The following CACNA1E variants were observed in gnomAD, a reference collection of about 807,000 sequenced individuals.
CACNA1E encodes the protein calcium voltage-gated channel subunit alpha1 E.
CACNA1E carries 40 observed loss-of-function variants against 259.2 expected under a neutral mutation model. The ratio of observed to expected loss-of-function variants is 0.15; its 90% CI spans 0.12 to 0.20. CACNA1E has a LOEUF of 0.20. Among genes scored for constraint, CACNA1E ranks in the 10% least tolerant of loss-of-function variants. The pLI, the probability that CACNA1E is intolerant of heterozygous loss-of-function variation, is 1.00. For synonymous variants in CACNA1E, 1,104 were observed against 1,138.5 expected (o/e 0.97, Z 0.61); for missense variants, 1,874 against 3,040.1 (o/e 0.62, Z 9.02).
intron 6 of CACNA1E, among the ~76,000 whole-genome samples, chr1:181,622,238 A>G (rs1655791139): frequency 6.6e-6 from 1 of 152,152 alleles, no homozygotes. Flanking sequence ...GTCTTCTGTA[A>G]TTGCTTGGAA....
intron 7 of CACNA1E, among the ~76,000 whole-genome samples, chr1:181,662,030 A>G (rs1647737258): frequency 6.6e-6 from 1 of 152,322 alleles, no homozygotes; most frequent in South Asian, 2.1e-4. Context: ...CTGTGGACAG[A>G]AATTTCCTGT....
chr1:181,697,550 C>A (rs542715631), intron 7 of CACNA1E, among the ~76,000 whole-genome samples: 2 of 152,322 alleles, frequency 1.3e-5, no homozygotes, highest in African/African-American at 4.8e-5. Context: ...CCAGACAGTG[C>A]TTTTCAAACT....
At chr1:181,762,454 T>C (rs1449166536) in intron 32 of CACNA1E, 120 bp from the exon 33 acceptor site, 3 of 671,728 alleles carry the variant, frequency 4.5e-6, no homozygotes, top group East Asian at 2.8e-5. Flanking sequence ...AGTGAACTTA[T>C]GCATTAATTG....
At position 181,726,076 on chromosome 1, in the gene CACNA1E, G is replaced by A. The variant is rs781655816; in HGVS notation, c.2154G>A (p.Glu718=). The A allele has an allele frequency of 2.2e-5, 36 of 1,611,848 alleles. No individual in the cohort carries two copies. The highest frequency in any genetic ancestry group is 3.1e-5 in the Non-Finnish European group (36 of 1,178,806). Residue 718 remains glutamate (E), a synonymous_variant, in exon 18 of 48, where the codon GAG becomes GAA. Coordinates refer to ENST00000367573, the MANE Select transcript of CACNA1E (RefSeq NM_001205293.3). ...TGCTTTGTGTCTAGGATGAACAGGA[G>A]GAAGAAGAGGCCTTCAACCAGAAAC... The part of the protein sequence containing the change: ...NAQELTKDEQ[E]EEEAFNQKHA...
chr1:181,694,111 C>G (rs1174489115), intron 7 of CACNA1E, among the ~76,000 whole-genome samples: 1 of 152,072 alleles, frequency 6.6e-6, no homozygotes, highest in African/African-American at 2.4e-5. Flanking sequence ...ATGCAAATTT[C>G]CTTGAAAATA....
intron 25 of CACNA1E, among the ~76,000 whole-genome samples, chr1:181,748,274 G>A (rs1657284352): frequency 6.6e-6 from 1 of 152,114 alleles, no homozygotes; most frequent in Admixed American, 6.6e-5. Context: ...AAGGAACCCT[G>A]TTTTCCAAAA....
chr1:181,799,085 G>T lies in CACNA1E; in HGVS notation c.*251G>T. 1 of 389,642 alleles carries T rather than the reference G, an allele frequency of 2.6e-6. No homozygotes were observed. Among genetic ancestry groups the T allele is most frequent in the South Asian group, 7.9e-5 (1 of 12,720 alleles). The allele number at this position is 389,642 out of a possible 1,614,324, so 24.1% of individuals were successfully genotyped here. On this transcript the variant is annotated 3_prime_UTR_variant, in exon 48 of 48. Transcript: ENST00000367573. ...TGCTGGGGAAAGAAACCAGGAACGT[G>T]GAGGGTTATTACTGCGGGAGAAGGG...
intron 3 of CACNA1E, among the ~76,000 whole-genome samples, chr1:181,555,878 CT>C (rs1648666446): frequency 6.6e-6 from 1 of 152,190 alleles, no homozygotes; most frequent in East Asian, 1.9e-4. Flanking sequence ...GGCATGCAGC[CT>C]TTCTTAAGCT....
chr1:181,631,801 G>A (rs1052445232), intron 6 of CACNA1E, among the ~76,000 whole-genome samples: 5 of 152,202 alleles, frequency 3.3e-5, no homozygotes, highest in African/African-American at 1.2e-4. Context: ...GAGAGCTGAG[G>A]AACCCCGGGC....
chr1:181,498,323 T>A (rs1664951695), intron 1 of CACNA1E, among the ~76,000 whole-genome samples: 1 of 152,208 alleles, frequency 6.6e-6, no homozygotes, highest in African/African-American at 2.4e-5. Flanking sequence ...TCCACAATGG[T>A]TCACTTCCAG....
intron 1 of CACNA1E, among the ~76,000 whole-genome samples, chr1:181,509,045 C>T (rs533374289): frequency 2.0e-5 from 3 of 152,046 alleles, no homozygotes; most frequent in African/African-American, 4.8e-5. Context: ...CAGCTGCTGG[C>T]GAGTGAGTGT....
At chr1:181,432,737 C>T (rs1659807456) in intron 2 of CACNA1E, among the ~76,000 whole-genome samples, 1 of 152,188 alleles carries the variant, frequency 6.6e-6, no homozygotes, top group Non-Finnish European at 1.5e-5. Flanking sequence ...CACTAAACAA[C>T]TCCAGCCCCT....
chr1:181,395,628 C>T (rs1027459108), intron 1 of CACNA1E, among the ~76,000 whole-genome samples: 5 of 152,180 alleles, frequency 3.3e-5, no homozygotes, highest in African/African-American at 1.2e-4. Flanking sequence ...TTTCAACAAG[C>T]AGGTACCAAG....
intron 2 of CACNA1E, among the ~76,000 whole-genome samples, chr1:181,429,069 C>G (rs1372004528): frequency 6.6e-6 from 1 of 152,010 alleles, no homozygotes; most frequent in Non-Finnish European, 1.5e-5. Flanking sequence ...GTAATCCCAG[C>G]TATTTGGGAG....
chr1:181,750,353 C>A, intron 25 of CACNA1E, 123 bp from the exon 26 acceptor site: 1 of 786,938 alleles, frequency 1.3e-6, no homozygotes, highest in Non-Finnish European at 2.1e-6. Context: ...GATTCCCTAT[C>A]ATTGTAGGGT....
intron 34 of CACNA1E, 72 bp from the exon 35 acceptor site, chr1:181,766,474 C>CGCA: frequency 9.6e-7 from 1 of 1,038,890 alleles, no homozygotes; most frequent in South Asian, 1.3e-5. Flanking sequence ...CCTGTACTGC[C>CGCA]GGTGACTGCA....
chr1:181,626,515 G>A (rs1405450540), intron 6 of CACNA1E, among the ~76,000 whole-genome samples: 1 of 152,164 alleles, frequency 6.6e-6, no homozygotes. Context: ...ACAAGGTGAG[G>A]CCATGGACTC....
rs1294230428 is a variant in CACNA1E at position 181,665,089 on chromosome 1, C to T, written c.1055+13648C>T. Among the ~76,000 whole-genome samples the T allele has an allele frequency of 2.0e-5, 3 of 152,048 alleles. 1 individual carries two copies. Among genetic ancestry groups the T allele is most frequent in the African/African-American group, 7.2e-5 (3 of 41,380 alleles). ...TAACTGAAACATCCTTGTAGCTCCTCAGCCATGCTCTAACTTAGTATAGGT... is the reference window on the plus strand; with the variant it reads ...TAACTGAAACATCCTTGTAGCTCCTTAGCCATGCTCTAACTTAGTATAGGT... On this transcript the variant is annotated intron_variant, in intron 7 of 47. Coordinates refer to ENST00000367573, the MANE Select transcript of CACNA1E (RefSeq NM_001205293.3).
chr1:181,652,080 G>T (rs1020610911), intron 7 of CACNA1E: 1 of 152,170 alleles, frequency 6.6e-6, no homozygotes, highest in African/African-American at 2.4e-5. Flanking sequence ...AAGTCATCAG[G>T]GATAGTTTCA....
Sources: allele counts gnomAD v4.1 joint callset (sites outside exome capture counted in the v4.1 genomes callset), GRCh38; gene constraint gnomAD v4.1.1; transcripts MANE v1.5; gene names NCBI Gene and HGNC (gene_info 2026-07-23, HGNC 2026-07-21).